Variants in GARS1 observed in about 807,000 individuals in gnomAD.
GARS1 encodes glycyl-tRNA synthetase 1, also known as glycine--tRNA ligase.
A neutral mutation model predicts 86.4 loss-of-function variants in GARS1; 46 were observed. The ratio of observed to expected loss-of-function variants is 0.53; its 90% confidence interval spans 0.42 to 0.68. The LOEUF is 0.68. Ranked by LOEUF, GARS1 falls within the 30% of genes least tolerant of loss-of-function variation. GARS1 has a pLI of 0.00. For missense variants in GARS1, 797 were observed against 915.6 expected (o/e 0.87, Z 1.67); for synonymous variants, 342 against 329.8 (o/e 1.04, Z -0.40).
intron 16 of GARS1, among the ~76,000 whole-genome samples, chr7:30,633,367 T>C (rs1783275960): frequency 6.6e-6 from 1 of 152,244 alleles, no homozygotes; most frequent in African/African-American, 2.4e-5. Flanking sequence ...GAACCATTGC[T>C]GTGTGGCAGC....
At chr7:30,612,056 T>A in intron 7 of GARS1, 40 bp from the exon 8 acceptor site, 1 of 1,566,664 alleles carries the variant, frequency 6.4e-7, no homozygotes, top group South Asian at 1.1e-5. Context: ...GAAAACATAA[T>A]TTCTTTCTTT....
intron 1 of GARS1, among the ~76,000 whole-genome samples, chr7:30,596,255 C>A (rs752468459): frequency 2.1e-4 from 32 of 152,308 alleles, no homozygotes; most frequent in Non-Finnish European, 3.4e-4. Flanking sequence ...CTGTCCTCTT[C>A]GCTGGTTTGA....
At chr7:30,616,389 G>A (rs1262093251) in intron 9 of GARS1, among the ~76,000 whole-genome samples, 1 of 152,198 alleles carries the variant, frequency 6.6e-6, no homozygotes, top group African/African-American at 2.4e-5. Flanking sequence ...CCCACAGAAA[G>A]CAAGCCATCT....
intron 8 of GARS1, among the ~76,000 whole-genome samples, chr7:30,612,937 G>A (rs551516384): frequency 1.7e-4 from 26 of 152,192 alleles, no homozygotes; most frequent in Non-Finnish European, 2.9e-4. Context: ...ATTTCTATAC[G>A]TTATTCCTGG....
chr7:30,598,639 C>T (rs1791310117), intron 1 of GARS1, among the ~76,000 whole-genome samples, 157 bp from the exon 2 acceptor site: 1 of 152,052 alleles, frequency 6.6e-6, no homozygotes, highest in African/African-American at 2.4e-5. Flanking sequence ...TGAGGAGGGC[C>T]TTTCAAAGTG....
rs201358272 is a variant in GARS1, at chr7:30,632,247, C to T, written c.1904C>T (p.Ser635Leu). 197 of 1,613,754 alleles carry T rather than the reference C, an allele frequency of 1.2e-4. No individual in the cohort carries two copies. The highest frequency in any genetic ancestry group is 1.2e-4 in the Admixed American group (7 of 59,978). The change falls in exon 16 of 17, where the codon TCG becomes TTG. Residue 635 changes from serine to leucine, a missense_variant and splice_region_variant. By Grantham distance (145) the Ser-to-Leu change is moderately radical. Around this residue, in one of 2 missense-constraint regions of GARS1, gnomAD observed 598 missense variants for 738.7 expected, o/e 0.81. Transcript: ENST00000389266. This position sits in a 1 kb window ranked among gnomAD's most constrained non-coding sequence, Gnocchi z 4.1. ...AATTTACTTTGTTTATTTTGGATAGCGGAAGCCCTGACCAGGCATGGAGTA... is the reference window on the plus strand; with the variant it reads ...AATTTACTTTGTTTATTTTGGATAGTGGAAGCCCTGACCAGGCATGGAGTA... ...QEFMPFVKELSEALTRHGVSH... is the reference protein window; with the variant it reads ...QEFMPFVKELLEALTRHGVSH...
At chr7:30,595,234 C>T (rs1332294367) in intron 1 of GARS1, 91 bp downstream of exon 1, 8 of 1,205,076 alleles carry the variant, frequency 6.6e-6, no homozygotes, top group South Asian at 3.9e-5. Flanking sequence ...GGGAACTGTC[C>T]TCCTCTTCGG....
chr7:30,627,015 G>T, intron 13 of GARS1: 1 of 450,030 alleles, frequency 2.2e-6, no homozygotes. Context: ...GACCAGTGAT[G>T]TTGCATGCTT....
At chr7:30,626,798 T>C (rs1185431156) in intron 13 of GARS1, among the ~76,000 whole-genome samples, 1 of 152,138 alleles carries the variant, frequency 6.6e-6, no homozygotes, top group Non-Finnish European at 1.5e-5. Flanking sequence ...CTGGCCAACA[T>C]GGTGAAACCC....
At chr7:30,609,492 G>A (rs1791551125) in intron 6 of GARS1, 93 bp from the exon 7 acceptor site, 1 of 1,038,622 alleles carries the variant, frequency 9.6e-7, no homozygotes, top group African/African-American at 1.6e-5. Context: ...TTGTGTGATT[G>A]TAGCAGTGGA....
At position 30,603,520 on chromosome 7, in the gene GARS1, A is replaced by G; in HGVS notation, c.683A>G (p.Asp228Gly). The G allele has an allele frequency of 2.5e-6, 4 of 1,613,872 alleles. No individual in the cohort carries two copies. Among genetic ancestry groups the G allele is most frequent in the Non-Finnish European group, 3.4e-6 (4 of 1,179,906 alleles). Residue 228 changes from aspartate to glycine, a missense_variant, in exon 6 of 17, where the codon GAT (aspartate) becomes GGT (glycine). This residue lies in a region of GARS1 where 598 missense variants were observed against 738.7 expected (regional missense o/e 0.81). Transcript: ENST00000389266. Reference protein sequence around the residue: ...LKAHLQKLMSDKKCSVEKKSE... With the variant: ...LKAHLQKLMSGKKCSVEKKSE... ...GCTCATTTACAGAAATTGATGTCTG[A>G]TAAGAAGTGTTCTGTCGAAAAGAAA...
chr7:30,633,601 C>A, intron 16 of GARS1, 134 bp from the exon 17 acceptor site: 2 of 1,069,656 alleles, frequency 1.9e-6, no homozygotes, highest in Non-Finnish European at 2.8e-6. Context: ...GCGTTTTGGG[C>A]TAGAAGAGCA....
intron 9 of GARS1, 38 bp downstream of exon 9, chr7:30,616,096 G>T (rs377320777): frequency 1.4e-5 from 23 of 1,611,340 alleles, no homozygotes; most frequent in Non-Finnish European, 1.9e-5. Context: ...GATTGTGCCT[G>T]TTCAGGGTTT....
At chr7:30,620,273 A>T (rs1208147102) in intron 10 of GARS1, among the ~76,000 whole-genome samples, 2 of 152,196 alleles carry the variant, frequency 1.3e-5, no homozygotes, top group African/African-American at 2.4e-5. Flanking sequence ...CCACATACAG[A>T]GTGGCTTATA....
At chr7:30,631,588 G>A in intron 15 of GARS1, 47 bp downstream of exon 15, 2 of 1,198,252 alleles carry the variant, frequency 1.7e-6, no homozygotes, top group Non-Finnish European at 2.5e-6. Flanking sequence ...CCATCAAGGA[G>A]ACTGAATTTT....
intron 13 of GARS1, among the ~76,000 whole-genome samples, chr7:30,626,537 A>T (rs1385440999): frequency 6.6e-6 from 1 of 152,116 alleles, no homozygotes; most frequent in East Asian, 1.9e-4. Context: ...TTTTGTAGAG[A>T]TGAGGTTTTT....
Position 30,632,506 on chromosome 7 carries a change from A to G in GARS1, c.2094+69A>G. On this transcript the variant is annotated intron_variant, in intron 16 of 16. Coordinates refer to ENST00000389266, the MANE Select transcript of GARS1 (RefSeq NM_002047.4). This position sits in a 1 kb window ranked among gnomAD's most constrained non-coding sequence, Gnocchi z 4.1. ...ACTGCTTCTTACTGATTTGTGTTGG[A>G]TTTTGATGTGTTTATGCTCCCTTTC... is the stretch of plus-strand genomic sequence containing the variant. 2.0e-6 allele frequency: 3 copies of G among 1,520,754 alleles called. No homozygotes were observed. The highest frequency in any genetic ancestry group is 2.7e-6 in the Non-Finnish European group (3 of 1,096,836). 94.2% of individuals were successfully genotyped at this position (1,520,754 alleles called of 1,614,324 possible).
chr7:30,597,919 A>G (rs1175775419), intron 1 of GARS1, among the ~76,000 whole-genome samples: 1 of 152,230 alleles, frequency 6.6e-6, no homozygotes, highest in African/African-American at 2.4e-5. Flanking sequence ...GTTTACTCAG[A>G]TGACCTATTC....
intron 12 of GARS1, among the ~76,000 whole-genome samples, chr7:30,623,956 C>A (rs1783071803): frequency 6.6e-6 from 1 of 152,148 alleles, no homozygotes; most frequent in Non-Finnish European, 1.5e-5. Flanking sequence ...TTCCTACACC[C>A]AGCAAAAATA....
Sources: allele counts gnomAD v4.1 joint callset (sites outside exome capture counted in the v4.1 genomes callset), GRCh38; gene constraint gnomAD v4.1.1; regional missense constraint gnomAD v4.1.1; non-coding constraint Gnocchi (gnomAD v3.1); transcripts MANE v1.5; gene names NCBI Gene and HGNC (gene_info 2026-07-23, HGNC 2026-07-21).